Variants in PLS3 observed in about 807,000 individuals in gnomAD.
The protein encoded by PLS3 is plastin-3.
A neutral mutation model predicts 46.5 loss-of-function variants in PLS3; 11 were observed. The ratio of observed to expected loss-of-function variants is 0.24; its 90% CI spans 0.15 to 0.39. PLS3 has a LOEUF of 0.39. Ranked by LOEUF, PLS3 falls within the 10% of genes least tolerant of loss-of-function variation. The pLI is 1.00. For missense variants in PLS3, 308 were observed against 461.8 expected, an observed-to-expected ratio of 0.67 and a Z score of 3.05; for synonymous variants, 167 against 162.2, an observed-to-expected ratio of 1.03 and a Z score of -0.22.
chrX:115,608,195 A>G (rs183545148), intron 1 of PLS3, among the ~76,000 whole-genome samples: 1,316 of 111,737 alleles, frequency 0.012, 26 homozygotes, highest in African/African-American at 0.041. Flanking sequence ...CAGCTCTCTT[A>G]TGAATCCCTC....
intron 1 of PLS3, among the ~76,000 whole-genome samples, chrX:115,591,973 T>G (rs1455773411): frequency 8.9e-6 from 1 of 111,959 alleles, no homozygotes; most frequent in East Asian, 2.8e-4. Flanking sequence ...TGAAATAAAT[T>G]AAAGCACTTC....
intron 6 of PLS3, among the ~76,000 whole-genome samples, chrX:115,634,506 G>T (rs190488366): frequency 1.1e-4 from 12 of 111,360 alleles, no homozygotes; most frequent in Non-Finnish European, 2.3e-4. Context: ...AACTCTTTTG[G>T]GCATATGCAG....
At chrX:115,567,534 T>C (rs1603214977) in intron 1 of PLS3, among the ~76,000 whole-genome samples, 1 of 109,525 alleles carries the variant, frequency 9.1e-6, no homozygotes, top group African/African-American at 3.3e-5. Context: ...GAGGTTACAG[T>C]GAGCCGAGAT....
intron 1 of PLS3, among the ~76,000 whole-genome samples, chrX:115,595,634 A>G (rs2074379993): frequency 9.1e-6 from 1 of 110,050 alleles, no homozygotes; most frequent in Non-Finnish European, 1.9e-5. Context: ...AATATTGACA[A>G]TAAAAAATGT....
chrX:115,604,259 G>C (rs1015452964), intron 1 of PLS3, among the ~76,000 whole-genome samples: 1 of 112,081 alleles, frequency 8.9e-6, no homozygotes, highest in Non-Finnish European at 1.9e-5. Flanking sequence ...TTTATCCCAT[G>C]TAAAAGGCTA....
intron 1 of PLS3, chrX:115,593,449 G>C (rs186068920): frequency 1.8e-5 from 2 of 111,150 alleles, no homozygotes; most frequent in African/African-American, 6.5e-5. Flanking sequence ...AAGGGGATTC[G>C]TAAGTATTGT....
Position 115,645,085 on chromosome X carries a change from A to G in PLS3, c.1248A>G (p.Val416=), listed in dbSNP as rs1056504938. Residue 416 remains valine, a synonymous_variant, in exon 11 of 16, where the codon GTA becomes GTG. Transcript: ENST00000355899. ...ACTCTCTTGGTGTCAATCCTCACGT[A>G]AACCATCTCTATGCGTAAGCCTTCC... ...WMNSLGVNPH[V]NHLYADLQDA... The G allele has an allele frequency of 1.7e-6, 2 of 1,168,913 alleles. No individual in the cohort carries two copies. The highest frequency in any genetic ancestry group is 2.3e-6 in the Non-Finnish European group (2 of 856,966).
intron 3 of PLS3, among the ~76,000 whole-genome samples, chrX:115,626,107 T>C (rs2074707815): frequency 9.0e-6 from 1 of 111,425 alleles, no homozygotes; most frequent in South Asian, 3.8e-4. Flanking sequence ...TCCAGCACAG[T>C]AGTCAGCCTT....
intron 2 of PLS3, among the ~76,000 whole-genome samples, chrX:115,618,553 T>G (rs2074618916): frequency 9.0e-6 from 1 of 111,439 alleles, no homozygotes; most frequent in Non-Finnish European, 1.9e-5. Flanking sequence ...GCCACTGTAC[T>G]CCAGCCTGGG....
intron 3 of PLS3, among the ~76,000 whole-genome samples, chrX:115,626,820 T>C (rs1556638560): frequency 9.1e-6 from 1 of 109,495 alleles, no homozygotes; most frequent in Non-Finnish European, 1.9e-5. Context: ...AGAGACATTC[T>C]ATATATATGT....
chrX:115,648,867 G>A (rs1467674695), intron 15 of PLS3, among the ~76,000 whole-genome samples: 3 of 111,644 alleles, frequency 2.7e-5, no homozygotes, highest in Non-Finnish European at 3.8e-5. Context: ...GATTAGTTGA[G>A]ATGTGTTCCT....
chrX:115,587,050 T>G (rs1343054318), intron 1 of PLS3, among the ~76,000 whole-genome samples: 2 of 112,144 alleles, frequency 1.8e-5, no homozygotes, highest in East Asian at 5.6e-4. Flanking sequence ...GGGGTTAAAA[T>G]TACTTTCATG....
chrX:115,609,049 A>C (rs2074522272), intron 1 of PLS3, among the ~76,000 whole-genome samples: 1 of 110,417 alleles, frequency 9.1e-6, no homozygotes, highest in South Asian at 4.0e-4. Context: ...AGCTTGGGCA[A>C]GGTGGCAAGA....
chrX:115,625,663 A>G (rs1179411027), intron 3 of PLS3, among the ~76,000 whole-genome samples: 1 of 111,051 alleles, frequency 9.0e-6, no homozygotes, highest in African/African-American at 3.3e-5. Context: ...TTCCAAAATA[A>G]TGGAAAAATT....
rs2074988329 is a variant in PLS3, at chrX:115,650,079, TAGA to T, written c.*521_*523del. On this transcript the variant is annotated 3_prime_UTR_variant, in exon 16 of 16. Coordinates refer to ENST00000355899, the MANE Select transcript of PLS3 (RefSeq NM_005032.7). Reference sequence around the variant, plus strand: ...AAGTAACTGGCTGTGCAGAATGTAATAGAAGCTTTTCTTATTCTTTTATTCTTA... The same window carrying T: ...AAGTAACTGGCTGTGCAGAATGTAATAGCTTTTCTTATTCTTTTATTCTTA... The T allele has an allele frequency of 8.9e-6, 1 of 112,612 alleles. No individual in the cohort carries two copies. The highest frequency in any genetic ancestry group is 9.5e-5 in the Admixed American group (1 of 10,540). The allele number at this position is 112,612 out of a possible 1,213,427, so 9.3% of individuals were successfully genotyped here.
intron 2 of PLS3, among the ~76,000 whole-genome samples, chrX:115,618,990 T>C (rs781915909): frequency 8.9e-6 from 1 of 112,697 alleles, no homozygotes; most frequent in East Asian, 2.8e-4. Context: ...AAAGATATCA[T>C]AAAAATGAAA....
Position 115,649,393 on chromosome X carries a change from A to G in PLS3, c.1761-36A>G, listed in dbSNP as rs782325421. On this transcript the variant is annotated intron_variant, in intron 15 of 15. Transcript: ENST00000355899. ...TCTTACGTGGTGTCCTTAACTGACA[A>G]GAATTTCATCCTGATTTTGTTTCCC... The G allele has an allele frequency of 4.4e-5, 51 of 1,158,041 alleles. 2 individuals are homozygous for G. In the South Asian group the frequency reaches 6.9e-4, roughly 16 times the overall value.
intron 1 of PLS3, among the ~76,000 whole-genome samples, chrX:115,573,414 G>A (rs895620223): frequency 8.9e-6 from 1 of 111,989 alleles, no homozygotes; most frequent in South Asian, 3.7e-4. Context: ...GCAAGAAAAC[G>A]AGCCACACCC....
At chrX:115,578,111 C>T (rs1246457214) in intron 1 of PLS3, among the ~76,000 whole-genome samples, 1 of 111,159 alleles carries the variant, frequency 9.0e-6, no homozygotes, top group Non-Finnish European at 1.9e-5. Context: ...AAGGGTATTG[C>T]CATTTCAAAA....
Sources: allele counts gnomAD v4.1 joint callset (sites outside exome capture counted in the v4.1 genomes callset), GRCh38; gene constraint gnomAD v4.1.1; transcripts MANE v1.5; gene names NCBI Gene and HGNC (gene_info 2026-07-23, HGNC 2026-07-21).